The following PLCH1 variants were observed in gnomAD, a reference collection of about 807,000 sequenced individuals.
PLCH1 encodes the protein 1-phosphatidylinositol 4,5-bisphosphate phosphodiesterase eta-1.
In PLCH1, 60 loss-of-function variants were observed where a neutral mutation model predicts 126.7. The ratio of observed to expected loss-of-function variants is 0.47; its 90% CI spans 0.38 to 0.59. The LOEUF is 0.59. Ranked by LOEUF, PLCH1 falls within the 20% of genes least tolerant of loss-of-function variation. The pLI, the probability that PLCH1 is intolerant of heterozygous loss-of-function variation, is 0.00. For missense variants in PLCH1, 1,723 were observed against 2,040.0 expected (o/e 0.84, Z 2.99); for synonymous variants, 719 against 734.9 (o/e 0.98, Z 0.35).
chr3:155,627,924 C>T (rs1301297309), intron 2 of PLCH1, among the ~76,000 whole-genome samples: 5 of 151,808 alleles, frequency 3.3e-5, no homozygotes, highest in African/African-American at 1.2e-4. Context: ...CCCACCACCA[C>T]GCCTGGCTAA....
At chr3:155,730,841 G>C (rs1748719083) in intron 1 of PLCH1, among the ~76,000 whole-genome samples, 1 of 152,210 alleles carries the variant, frequency 6.6e-6, no homozygotes, top group South Asian at 2.1e-4. Flanking sequence ...AGGCAGCACA[G>C]TGTGGAGAGA....
chr3:155,671,852 C>A (rs976714759), intron 2 of PLCH1, among the ~76,000 whole-genome samples: 14 of 152,072 alleles, frequency 9.2e-5, no homozygotes, highest in Admixed American at 8.5e-4. Flanking sequence ...AAAAGTAACA[C>A]TAAAACCCTA....
intron 8 of PLCH1, among the ~76,000 whole-genome samples, chr3:155,555,832 T>A (rs1027463867): frequency 6.6e-5 from 10 of 152,194 alleles, no homozygotes; most frequent in African/African-American, 2.4e-4. Flanking sequence ...TCTCTTTTCC[T>A]TATGGCAAGA....
At chr3:155,694,190 G>A (rs1280606116) in intron 2 of PLCH1, among the ~76,000 whole-genome samples, 1 of 152,096 alleles carries the variant, frequency 6.6e-6, no homozygotes, top group Non-Finnish European at 1.5e-5. Context: ...TTGTAGGTGG[G>A]TTTTCAACCC....
intron 2 of PLCH1, among the ~76,000 whole-genome samples, chr3:155,618,438 C>T (rs1402453223): frequency 6.6e-6 from 1 of 152,156 alleles, no homozygotes; most frequent in East Asian, 1.9e-4. Context: ...CCGTCCTCCT[C>T]TTCTGTAACT....
intron 2 of PLCH1, among the ~76,000 whole-genome samples, chr3:155,623,514 G>A (rs1404368361): frequency 5.3e-5 from 8 of 152,008 alleles, no homozygotes; most frequent in Non-Finnish European, 5.9e-5. Flanking sequence ...CCACTAGCCA[G>A]ACTAATAAAG....
At chr3:155,469,191 G>A (rs944023685) in intron 21 of PLCH1, among the ~76,000 whole-genome samples, 18 of 152,192 alleles carry the variant, frequency 1.2e-4, no homozygotes, top group African/African-American at 3.6e-4. Context: ...GGGAGTTACA[G>A]ACAGTGGGCA....
At position 155,497,414 on chromosome 3, in the gene PLCH1, C is replaced by A; in HGVS notation, c.1800G>T (p.Leu600Phe). 6.2e-7 allele frequency: 1 copy of A among 1,611,662 alleles called. No individual in the cohort carries two copies. Among genetic ancestry groups the A allele is most frequent in the Non-Finnish European group, 8.5e-7 (1 of 1,177,802 alleles). Residue 600 changes from leucine (L) to phenylalanine (F), a missense_variant, in exon 15 of 23, where the codon TTG (leucine) becomes TTT (phenylalanine). Around this residue, in one of 2 missense-constraint regions of PLCH1, gnomAD observed 776 missense variants for 1,062.9 expected, o/e 0.73. Coordinates refer to ENST00000460012, the MANE Select transcript of PLCH1 (RefSeq NM_014996.4). ...TGKEGGQLYRLGRRRKTMKLC... is the reference protein window; with the variant it reads ...TGKEGGQLYRFGRRRKTMKLC... ...GCTTCATGGTTTTCCTTCGGCGACC[C>A]AATCTGTGAAGTACCCACAGAGGAT...
chr3:155,686,116 G>A (rs1009923203), intron 2 of PLCH1, among the ~76,000 whole-genome samples: 3 of 152,114 alleles, frequency 2.0e-5, no homozygotes, highest in East Asian at 1.9e-4. Context: ...AAAAATAATC[G>A]TGTGTGCGTG....
At chr3:155,614,398 A>G (rs1351994743) in intron 2 of PLCH1, among the ~76,000 whole-genome samples, 1 of 152,184 alleles carries the variant, frequency 6.6e-6, no homozygotes, top group East Asian at 1.9e-4. Context: ...TTCAAACTAT[A>G]CTACAAGGAG....
At chr3:155,722,030 G>T (rs1747984894) in intron 1 of PLCH1, among the ~76,000 whole-genome samples, 1 of 152,164 alleles carries the variant, frequency 6.6e-6, no homozygotes, top group South Asian at 2.1e-4. Flanking sequence ...CTGGGCAAAA[G>T]AGTGAGACTC....
rs112390591 is a variant in PLCH1 at position 155,717,988 on chromosome 3, A to G, written c.-40-13724T>C. 5.8e-3 allele frequency among the ~76,000 whole-genome samples: 882 copies of G among 152,256 alleles called. 5 individuals are homozygous for G. Among genetic ancestry groups the G allele is most frequent in the Admixed American group, 0.013 (206 of 15,300 alleles). ...TGTAAATTCCAACTTTAAGTCATTT[A>G]TTTGCTCCCACTTCTGAGCATAGGC... On this transcript the variant is annotated intron_variant, in intron 1 of 22. Coordinates refer to ENST00000460012, the MANE Select transcript of PLCH1 (RefSeq NM_014996.4).
At chr3:155,520,449 G>T (rs1720933289) in intron 11 of PLCH1, among the ~76,000 whole-genome samples, 1 of 152,192 alleles carries the variant, frequency 6.6e-6, no homozygotes, top group Admixed American at 6.5e-5. Flanking sequence ...CTTGCTGGAA[G>T]GCTTGGTGTT....
rs412664 is a variant in PLCH1 at position 155,697,185 on chromosome 3, G to C, written c.79+6961C>G. On this transcript the variant is annotated intron_variant, in intron 2 of 22. Coordinates refer to ENST00000460012, the MANE Select transcript of PLCH1 (RefSeq NM_014996.4). ...TGGATTTTTATACATACAGATCATT[G>C]CTTGGGTCTGATCAATCCAGCTACA... Among the ~76,000 whole-genome samples, 4 of 152,024 alleles carry C rather than the reference G, an allele frequency of 2.6e-5. No individual in the cohort carries two copies. In the South Asian group the frequency reaches 8.3e-4, roughly 32 times the overall value.
At chr3:155,711,985 C>T (rs1170855804) in intron 1 of PLCH1, among the ~76,000 whole-genome samples, 1 of 152,192 alleles carries the variant, frequency 6.6e-6, no homozygotes, top group African/African-American at 2.4e-5. Context: ...ATTTGCCACA[C>T]CTGAAGCTAG....
intron 9 of PLCH1, among the ~76,000 whole-genome samples, chr3:155,551,684 C>CAAAAAAA (rs35872401): frequency 1.1e-5 from 1 of 87,010 alleles, no homozygotes; most frequent in Non-Finnish European, 2.4e-5. Context: ...AGCTCTCTAC[C>CAAAAAAA]AAAAAAAAAA....
At chr3:155,564,795 A>G (rs1487060820) in intron 8 of PLCH1, 120 bp downstream of exon 8, 1 of 633,132 alleles carries the variant, frequency 1.6e-6, no homozygotes, top group East Asian at 2.6e-5. Flanking sequence ...ATGAGCAGAA[A>G]AGTAGTACTA....
intron 9 of PLCH1, among the ~76,000 whole-genome samples, chr3:155,551,596 G>A (rs547290070): frequency 5.3e-5 from 8 of 149,744 alleles, no homozygotes; most frequent in African/African-American, 2.0e-4. Flanking sequence ...ATTTTTGGTG[G>A]TCACACTTCA....
At chr3:155,630,015 T>G (rs1428864690) in intron 2 of PLCH1, among the ~76,000 whole-genome samples, 1 of 152,236 alleles carries the variant, frequency 6.6e-6, no homozygotes, top group Non-Finnish European at 1.5e-5. Flanking sequence ...TAACAGTCAT[T>G]TTCTTCATTT....
Sources: allele counts gnomAD v4.1 joint callset (sites outside exome capture counted in the v4.1 genomes callset), GRCh38; gene constraint gnomAD v4.1.1; regional missense constraint gnomAD v4.1.1; transcripts MANE v1.5; gene names NCBI Gene and HGNC (gene_info 2026-07-23, HGNC 2026-07-21).